The following KIF15 variants were observed in gnomAD, a reference collection of about 807,000 sequenced individuals.
KIF15 encodes the protein kinesin family member 15.
In KIF15, 140 loss-of-function variants were observed where a neutral mutation model predicts 190.6. The ratio of observed to expected loss-of-function variants is 0.73; its 90% CI spans 0.64 to 0.84. The LOEUF (loss-of-function observed/expected upper bound fraction) is 0.84, where lower values mean the gene tolerates loss of function less well. Ranked by LOEUF, KIF15 falls within the 40% of genes least tolerant of loss-of-function variation. The pLI is 0.00. For synonymous variants in KIF15, 528 were observed against 551.3 expected (o/e 0.96, Z 0.59); for missense variants, 1,372 against 1,584.4 (o/e 0.87, Z 2.28).
At chr3:44,788,511 G>C (rs1187639577) in intron 7 of KIF15, among the ~76,000 whole-genome samples, 1 of 151,080 alleles carries the variant, frequency 6.6e-6, no homozygotes, top group African/African-American at 2.4e-5. Context: ...CAGAGTACAA[G>C]TGGCAGAATC....
chr3:44,779,821 G>GAAA (rs397875811), intron 4 of KIF15, among the ~76,000 whole-genome samples: 2 of 100,018 alleles, frequency 2.0e-5, no homozygotes, highest in Non-Finnish European at 4.0e-5. Flanking sequence ...GTGACAGAGT[G>GAAA]AAAAAAAAAA....
rs530760812 is a variant in KIF15 at position 44,821,572 on chromosome 3, C to T, written c.2550-4467C>T. Among the ~76,000 whole-genome samples, 1,056 of 151,128 alleles carry T rather than the reference C, an allele frequency of 7.0e-3. 10 individuals are homozygous for T. The highest frequency in any genetic ancestry group is 0.024 in the African/African-American group (1,003 of 41,108). The stretch of plus-strand genomic sequence containing the variant: ...CTCACTTCCTAGATGGGATGGCGGC[C>T]GGGAAGAGGCGCTCCTCACTTCCTA... On this transcript the variant is annotated intron_variant, in intron 20 of 34. Transcript: ENST00000326047.
At chr3:44,861,736 C>T in intron 6 of KIF15, 2 of 590,470 alleles carry the variant, frequency 3.4e-6, no homozygotes, top group Non-Finnish European at 5.6e-6. Context: ...CAGGTTAGGC[C>T]GGAGGCCGCC....
At chr3:44,848,103 C>T in intron 31 of KIF15, 46 bp downstream of exon 31, 1 of 1,140,594 alleles carries the variant, frequency 8.8e-7, no homozygotes, top group Non-Finnish European at 1.3e-6. Flanking sequence ...CTGAGCAATG[C>T]TTTTATAGTT....
Position 44,784,194 on chromosome 3 carries a change from CG to C in KIF15, c.362-649del, listed in dbSNP as rs1706294380. Reference sequence around the variant, plus strand: ...TTAATTCTTTCTTTTTGTTTTGAGACGGAGTCTCACTCTGTCGCCCAGGCTG... The same window carrying C: ...TTAATTCTTTCTTTTTGTTTTGAGACGAGTCTCACTCTGTCGCCCAGGCTG... On this transcript the variant is annotated intron_variant, in intron 5 of 34. Coordinates refer to ENST00000326047, the MANE Select transcript of KIF15 (RefSeq NM_020242.3). Among the ~76,000 whole-genome samples the C allele has an allele frequency of 2.0e-5, 3 of 152,126 alleles. No individual in the cohort carries two copies. The South Asian group carries it at 6.2e-4, about 31-fold the overall frequency.
chr3:44,822,182 T>A (rs1697375668), intron 20 of KIF15, among the ~76,000 whole-genome samples: 1 of 152,238 alleles, frequency 6.6e-6, no homozygotes, highest in African/African-American at 2.4e-5. Flanking sequence ...CTTTAGGAGC[T>A]CTTGTAAGTC....
chr3:44,774,660 G>A (rs894155135), intron 2 of KIF15, among the ~76,000 whole-genome samples: 1 of 152,136 alleles, frequency 6.6e-6, no homozygotes, highest in Non-Finnish European at 1.5e-5. Context: ...ATTTATTATT[G>A]CTAGTAAGAG....
chr3:44,768,256 G>C (rs890907189), intron 1 of KIF15, among the ~76,000 whole-genome samples: 1 of 150,380 alleles, frequency 6.6e-6, no homozygotes, highest in Admixed American at 6.7e-5. Context: ...CCTGGTGACA[G>C]AGCAAGACTC....
Position 44,801,774 on chromosome 3 carries a change from GA to G in KIF15, c.1314del (p.Val439LeufsTer4). 6.4e-7 allele frequency: 1 copy of G among 1,563,056 alleles called. No individual in the cohort carries two copies. Among genetic ancestry groups the G allele is most frequent in the Non-Finnish European group, 8.8e-7 (1 of 1,141,928 alleles). ...KSEQEKKSLIEKVTQLEDLTL... is the reference protein window; with the variant it reads ...KSEQEKKSLIXKVTQLEDLTL... The stretch of plus-strand genomic sequence containing the variant: ...TATGAATTTCTTTAAGTCTCTGATA[GA>G]AAAAGTTACCCAATTAGAAGACCTC... On this transcript the variant is annotated frameshift_variant, in exon 13 of 35. Coordinates refer to ENST00000326047, the MANE Select transcript of KIF15 (RefSeq NM_020242.3). LOFTEE classifies it high-confidence loss of function.
At chr3:44,864,864 C>A (rs1435063389) in intron 6 of KIF15, among the ~76,000 whole-genome samples, 2 of 152,150 alleles carry the variant, frequency 1.3e-5, no homozygotes, top group Non-Finnish European at 2.9e-5. Flanking sequence ...CCTCTCCACT[C>A]ATGCAGGGGA....
chr3:44,832,550 A>T (rs1466421894), intron 26 of KIF15, among the ~76,000 whole-genome samples: 2 of 152,198 alleles, frequency 1.3e-5, no homozygotes, highest in African/African-American at 4.8e-5. Flanking sequence ...CACATTTCAG[A>T]TGGAAAGAAT....
At chr3:44,805,269 T>G in intron 15 of KIF15, 101 bp downstream of exon 15, 1 of 1,166,152 alleles carries the variant, frequency 8.6e-7, no homozygotes, top group Non-Finnish European at 1.2e-6. Context: ...ACTTTAAATA[T>G]TAAACTCTCA....
chr3:44,830,744 C>T, intron 25 of KIF15, 152 bp from the exon 26 acceptor site: 1 of 729,280 alleles, frequency 1.4e-6, no homozygotes, highest in Non-Finnish European at 2.1e-6. Context: ...ACCATTCATG[C>T]ACTTATTCTT....
At chr3:44,834,532 A>C (rs1415641711) in intron 26 of KIF15, among the ~76,000 whole-genome samples, 1 of 152,242 alleles carries the variant, frequency 6.6e-6, no homozygotes, top group East Asian at 1.9e-4. Context: ...AAAAACAACC[A>C]AAAGTGTTAA....
At chr3:44,829,521 T>C (rs1697883057) in intron 24 of KIF15, among the ~76,000 whole-genome samples, 1 of 128,192 alleles carries the variant, frequency 7.8e-6, no homozygotes, top group Non-Finnish European at 1.6e-5. Context: ...ATATATATTA[T>C]ATGTATATAA....
At chr3:44,799,524 T>C (rs1707157641) in intron 10 of KIF15, among the ~76,000 whole-genome samples, 1 of 151,924 alleles carries the variant, frequency 6.6e-6, no homozygotes, top group Non-Finnish European at 1.5e-5. Flanking sequence ...TTAGGCTTTG[T>C]GGACCTTTTT....
chr3:44,830,900 A>C lies in KIF15; in HGVS notation c.3053A>C (p.Lys1018Thr). The C allele has an allele frequency of 6.2e-7, 1 of 1,613,286 alleles. No homozygotes were observed. Among genetic ancestry groups the C allele is most frequent in the Non-Finnish European group, 8.5e-7 (1 of 1,179,788 alleles). The change falls in exon 26 of 35, where the codon AAA becomes ACA. Residue 1018 changes from lysine (K) to threonine (T), a missense_variant. Lys to Thr is a moderately conservative substitution (Grantham distance 78). Coordinates refer to ENST00000326047, the MANE Select transcript of KIF15 (RefSeq NM_020242.3). ...GCATGACTTTCTTTTCTACAGTGCAAATACAACTCTGCTTTGGTTGACAGA... is the reference window on the plus strand; with the variant it reads ...GCATGACTTTCTTTTCTACAGTGCACATACAACTCTGCTTTGGTTGACAGA... Reference protein sequence around the residue: ...LKQELKDINCKYNSALVDREE... With the variant: ...LKQELKDINCTYNSALVDREE...
intron 29 of KIF15, among the ~76,000 whole-genome samples, chr3:44,842,846 ATT>A: frequency 6.6e-6 from 1 of 152,198 alleles, no homozygotes; most frequent in Non-Finnish European, 1.5e-5. Context: ...CAATATAGAG[ATT>A]TTTGTCATCT....
Position 44,847,980 on chromosome 3 carries a change from T to C in KIF15, c.3696-5T>C. 6.2e-7 allele frequency: 1 copy of C among 1,603,528 alleles called. No homozygotes were observed. The highest frequency in any genetic ancestry group is 1.7e-5 in the Admixed American group (1 of 58,836). On this transcript the variant is annotated splice_region_variant and splice_polypyrimidine_tract_variant and intron_variant, in intron 30 of 34. Transcript: ENST00000326047. ...GCCTCCTCCCACCCCTGTTAATCTA[T>C]GCAGTGATCAGAATCATCCAGATAA...
Sources: gnomAD v4.1 joint callset for allele counts (sites outside exome capture counted in the v4.1 genomes callset) on GRCh38, gnomAD v4.1.1 for gene constraint, MANE v1.5 for transcripts, NCBI Gene and HGNC (gene_info 2026-07-23, HGNC 2026-07-21) for gene names.